SERINC5: variants seen among roughly 807,000 people sequenced by gnomAD.
SERINC5 encodes serine incorporator 5.
A neutral mutation model predicts 63.1 loss-of-function variants in SERINC5; 41 were observed. The ratio of observed to expected loss-of-function variants is 0.65; its 90% CI spans 0.51 to 0.84. The LOEUF (loss-of-function observed/expected upper bound fraction) is 0.84, where lower values mean the gene tolerates loss of function less well. Among genes scored for constraint, SERINC5 ranks in the 40% least tolerant of loss-of-function variants. The probability of loss-of-function intolerance (pLI) is 0.00; values close to 1 mark genes in which losing one functional copy is unlikely to be tolerated. For missense variants in SERINC5, 523 were observed against 573.0 expected (o/e 0.91, Z 0.89); for synonymous variants, 222 against 215.2 (o/e 1.03, Z -0.28).
intron 2 of SERINC5, among the ~76,000 whole-genome samples, chr5:80,201,906 A>G (rs1358977608): frequency 6.6e-6 from 1 of 152,288 alleles, no homozygotes; most frequent in Non-Finnish European, 1.5e-5. Context: ...TATACTTCCT[A>G]TGTAGGCCAA....
intron 2 of SERINC5, among the ~76,000 whole-genome samples, chr5:80,193,511 C>T (rs1749326246): frequency 6.6e-6 from 1 of 152,202 alleles, no homozygotes; most frequent in Non-Finnish European, 1.5e-5. Flanking sequence ...ATAGCCAGAC[C>T]AATCCTAAAA....
At chr5:80,128,545 G>C (rs1164725247) in intron 11 of SERINC5, 7 of 152,238 alleles carry the variant, frequency 4.6e-5, no homozygotes, top group Admixed American at 4.6e-4. Flanking sequence ...AAGATCTTGT[G>C]GGGAGGGGAG....
At chr5:80,221,481 T>C (rs1750902997) in intron 1 of SERINC5, among the ~76,000 whole-genome samples, 1 of 152,146 alleles carries the variant, frequency 6.6e-6, no homozygotes, top group Non-Finnish European at 1.5e-5. Flanking sequence ...TATCTGTAAT[T>C]CAACCTGGAA....
chr5:80,173,825 C>T (rs188819254), intron 5 of SERINC5, among the ~76,000 whole-genome samples: 1 of 152,060 alleles, frequency 6.6e-6, no homozygotes, highest in Non-Finnish European at 1.5e-5. Context: ...GCACTTAAAA[C>T]AGATTATATT....
Position 80,202,937 on chromosome 5 carries a change from G to A in SERINC5, c.144C>T (p.Val48=), listed in dbSNP as rs780600559. ...MYALYFILVV[V]LCCIMMSTTV... ...TTGTTGACATCATGATGCAGCAGAG[G>A]ACGACGACCAGAATGAAGTAGAGGG... Residue 48 remains valine, a synonymous_variant, in exon 2 of 12, where the codon GTC becomes GTT. Transcript: ENST00000507668. The A allele has an allele frequency of 6.2e-6, 10 of 1,613,524 alleles. No individual in the cohort carries two copies. The South Asian group carries it at 1.1e-4, about 18-fold the overall frequency.
chr5:80,158,876 G>T lies in SERINC5; in HGVS notation c.946C>A (p.Leu316Met). 1.2e-6 allele frequency: 2 copies of T among 1,613,664 alleles called. No homozygotes were observed. The highest frequency in any genetic ancestry group is 1.6e-4 in the Middle Eastern group (1 of 6,062). ...LYRDENLVTI[L>M]GTSLLIGCIL... ...CATCCGATTAAGAGGCTGGTCCCCA[G>T]TATAGTCACCAAGTTTTCATCTCTG... The change falls in exon 8 of 12, where the codon CTG becomes ATG. Residue 316 changes from leucine to methionine, a missense_variant. Leu to Met is a conservative substitution (Grantham distance 15). Transcript: ENST00000507668.
chr5:80,122,213 A>ATATAT (rs1554057292), intron 11 of SERINC5, among the ~76,000 whole-genome samples: 5 of 107,338 alleles, frequency 4.7e-5, no homozygotes, highest in Admixed American at 8.6e-5. Flanking sequence ...ATATATATAT[A>ATATAT]ATATGAGTTT....
chr5:80,221,250 G>A (rs916264731), intron 1 of SERINC5, among the ~76,000 whole-genome samples: 7 of 152,142 alleles, frequency 4.6e-5, no homozygotes, highest in Non-Finnish European at 1.0e-4. Context: ...GACATCAGCC[G>A]ACAGCAGGCA....
At chr5:80,184,856 C>G (rs996179315) in intron 2 of SERINC5, among the ~76,000 whole-genome samples, 6 of 152,090 alleles carry the variant, frequency 3.9e-5, no homozygotes, top group African/African-American at 1.4e-4. Context: ...GGACAGGGCA[C>G]TTAAGCCAGG....
intron 8 of SERINC5, among the ~76,000 whole-genome samples, chr5:80,152,181 A>G (rs1746233039): frequency 6.6e-6 from 1 of 152,180 alleles, no homozygotes; most frequent in African/African-American, 2.4e-5. Flanking sequence ...TGCGCACCCA[A>G]GGAACACAAC....
rs200589922 is a variant in SERINC5 at position 80,112,276 on chromosome 5, T to C, written c.*30-574A>G. Among the ~76,000 whole-genome samples the C allele has an allele frequency of 1.8e-4, 27 of 152,326 alleles. 1 individual carries two copies. In the East Asian group the frequency reaches 5.0e-3, roughly 28 times the overall value. On this transcript the variant is annotated intron_variant, in intron 12 of 12. Transcript: ENST00000509193. ...CTGGCGGCAATTATTCTTTATTCTG[T>C]TATTCTTTACTACACTGAGATGTTT...
chr5:80,230,568 A>G (rs1007467235), intron 1 of SERINC5, among the ~76,000 whole-genome samples: 2 of 152,050 alleles, frequency 1.3e-5, no homozygotes, highest in Admixed American at 6.6e-5. Context: ...ATGCAACAAC[A>G]GCCGCCACTC....
chr5:80,171,842 C>T (rs1029774728), intron 5 of SERINC5, among the ~76,000 whole-genome samples: 2 of 151,412 alleles, frequency 1.3e-5, no homozygotes, highest in Admixed American at 6.6e-5. Flanking sequence ...GACTGCGCCA[C>T]GGCACTCCAG....
intron 8 of SERINC5, chr5:80,158,586 A>T: frequency 2.3e-6 from 1 of 436,228 alleles, no homozygotes. Context: ...TATTTACCCC[A>T]AATAAAAACA....
chr5:80,130,504 C>T (rs1190973445), intron 11 of SERINC5, among the ~76,000 whole-genome samples: 1 of 152,198 alleles, frequency 6.6e-6, no homozygotes, highest in African/African-American at 2.4e-5. Flanking sequence ...AGGGCCCTAT[C>T]TGTAATTACA....
chr5:80,143,711 A>T lies in SERINC5; in HGVS notation c.1338T>A (p.Cys446Ter). 2 of 1,536,208 alleles carry T rather than the reference A, an allele frequency of 1.3e-6. No homozygotes were observed. The highest frequency in any genetic ancestry group is 1.7e-6 in the Non-Finnish European group (2 of 1,146,900). ...GGCAGCAGAGGGGAGCGACCAGCGTACACAGGTACAACAGCACGCATATCC... is the reference window on the plus strand; with the variant it reads ...GGCAGCAGAGGGGAGCGACCAGCGTTCACAGGTACAACAGCACGCATATCC... ...SCWICVLLYL[C>*]TLVAPLCCPT... The change falls in exon 12 of 12, where the codon TGT becomes TGA. Residue 446 changes from cysteine to a stop codon, truncating the protein, a stop_gained. Coordinates refer to ENST00000507668, the MANE Select transcript of SERINC5 (RefSeq NM_001174072.3). LOFTEE classifies it high-confidence loss of function.
intron 1 of SERINC5, among the ~76,000 whole-genome samples, chr5:80,226,687 T>C (rs1751180853): frequency 6.6e-6 from 1 of 152,148 alleles, no homozygotes; most frequent in African/African-American, 2.4e-5. Context: ...CCGAAAGCCA[T>C]TCTTCATTCT....
In SERINC5 at chr5:80,191,817, T is replaced by C. The variant is rs148382821; in HGVS notation, c.195+11069A>G. On this transcript the variant is annotated intron_variant, in intron 2 of 11. Transcript: ENST00000507668. ...TTATTCTTACCTAGTCTACCCACTA[T>C]GTGGTTCATACAGCCTAGTCAGTTA... Among the ~76,000 whole-genome samples, 100 of 152,324 alleles carry C rather than the reference T, an allele frequency of 6.6e-4. No homozygotes were observed. The East Asian group carries it at 0.019, about 28-fold the overall frequency.
intron 6 of SERINC5, 51 bp downstream of exon 6, chr5:80,169,282 CAA>C: frequency 1.3e-6 from 2 of 1,503,300 alleles, no homozygotes; most frequent in Non-Finnish European, 1.8e-6. Flanking sequence ...TGGGTTTGCT[CAA>C]AGACACTTAG....
Sources: gnomAD v4.1 joint callset for allele counts (sites outside exome capture counted in the v4.1 genomes callset) on GRCh38, gnomAD v4.1.1 for gene constraint, MANE v1.5 for transcripts, NCBI Gene and HGNC (gene_info 2026-07-23, HGNC 2026-07-21) for gene names.